CPVL: variants seen among roughly 807,000 people sequenced by gnomAD.
CPVL encodes the protein probable serine carboxypeptidase CPVL.
Under a neutral mutation model 63.7 loss-of-function variants are expected in CPVL, and 51 were observed. The observed-to-expected ratio is 0.80, with a 90% CI of 0.64 to 1.01. CPVL has a LOEUF of 1.01. Among genes scored for constraint, CPVL ranks in the 50% least tolerant of loss-of-function variants. The pLI is 0.00. For synonymous variants in CPVL, 195 were observed against 206.0 expected (o/e 0.95, Z 0.46); for missense variants, 530 against 573.1 (o/e 0.92, Z 0.77).
rs137998770 is a variant in CPVL at position 29,065,638 on chromosome 7, G to A, written c.963+385C>T. Among the ~76,000 whole-genome samples the A allele has an allele frequency of 2.7e-3, 409 of 152,222 alleles. 1 individual carries two copies. Among genetic ancestry groups the A allele is most frequent in the Middle Eastern group, 0.01 (3 of 294 alleles). Reference sequence around the variant, plus strand: ...CTTTGGCAGTTTTGATTATCCAAGCGTCTTAAGTACAGAACAAAGAATGTG... The same window carrying A: ...CTTTGGCAGTTTTGATTATCCAAGCATCTTAAGTACAGAACAAAGAATGTG... On this transcript the variant is annotated intron_variant, in intron 10 of 12. Coordinates refer to ENST00000265394, the MANE Select transcript of CPVL (RefSeq NM_031311.5).
intron 11 of CPVL, among the ~76,000 whole-genome samples, chr7:29,047,873 T>C (rs539154266): frequency 2.5e-4 from 38 of 152,290 alleles, no homozygotes; most frequent in Non-Finnish European, 4.1e-4. Context: ...CTACAAGGGA[T>C]TGGGGCCCTA....
intron 8 of CPVL, among the ~76,000 whole-genome samples, 164 bp downstream of exon 8, chr7:29,072,137 A>G (rs571720372): frequency 1.6e-4 from 25 of 152,324 alleles, no homozygotes; most frequent in African/African-American, 6.0e-4. Flanking sequence ...GACACAGTAA[A>G]TTGATACGTT....
chr7:29,114,971 C>T (rs941117145), intron 2 of CPVL, among the ~76,000 whole-genome samples: 23 of 152,042 alleles, frequency 1.5e-4, no homozygotes, highest in African/African-American at 5.6e-4. Context: ...ACAGGTGGTC[C>T]TTGAGGGTCC....
intron 1 of CPVL, among the ~76,000 whole-genome samples, chr7:29,123,300 A>T (rs1461363859): frequency 6.6e-6 from 1 of 151,974 alleles, no homozygotes; most frequent in Non-Finnish European, 1.5e-5. Context: ...TGAATATATA[A>T]CCCTTGTCAT....
At chr7:29,177,232 GTTTTA>G (rs958739621) in intron 5 of CPVL, among the ~76,000 whole-genome samples, 1 of 90,488 alleles carries the variant, frequency 1.1e-5, no homozygotes, top group Non-Finnish European at 2.0e-5. Context: ...TTCTTTTTTT[GTTTTA>G]TTTTGTTTTG....
intron 6 of CPVL, among the ~76,000 whole-genome samples, chr7:29,088,957 T>C (rs1332661270): frequency 1.3e-5 from 2 of 152,068 alleles, no homozygotes; most frequent in African/African-American, 2.4e-5. Context: ...CCTGGCGACA[T>C]AGTGAGACTC....
chr7:29,051,263 A>C (rs1005913521), intron 11 of CPVL, among the ~76,000 whole-genome samples: 16 of 152,248 alleles, frequency 1.1e-4, no homozygotes, highest in Admixed American at 1.0e-3. Context: ...GACTTAATTA[A>C]ACAAAAGAGC....
chr7:28,998,421 G>A (rs992745972), intron 12 of CPVL, among the ~76,000 whole-genome samples: 1 of 152,312 alleles, frequency 6.6e-6, no homozygotes, highest in Non-Finnish European at 1.5e-5. Context: ...AAGTCAGAGT[G>A]CAGGAGCATG....
chr7:29,171,551 CAG>C (rs958893166), intron 5 of CPVL, among the ~76,000 whole-genome samples: 12 of 152,250 alleles, frequency 7.9e-5, no homozygotes, highest in African/African-American at 2.4e-4. Context: ...TTTCTTTGTA[CAG>C]AGTTTAAGGT....
rs535205739 is a variant in CPVL, at chr7:29,077,574, T to A, written c.610-5151A>T. Among the ~76,000 whole-genome samples the A allele has an allele frequency of 1.2e-4, 18 of 152,102 alleles. No homozygotes were observed. The East Asian group carries it at 3.5e-3, about 29-fold the overall frequency. ...TCCCTGCCCTGCTTGAACCCCACTC[T>A]CCCCAGCTACACAGAACTAAAAAAA... On this transcript the variant is annotated intron_variant, in intron 7 of 12. Coordinates refer to ENST00000265394, the MANE Select transcript of CPVL (RefSeq NM_031311.5).
intron 7 of CPVL, among the ~76,000 whole-genome samples, chr7:29,074,303 C>T (rs965754172): frequency 6.6e-6 from 1 of 152,138 alleles, no homozygotes; most frequent in Non-Finnish European, 1.5e-5. Context: ...CTTGTAAGTA[C>T]ATTTTAGCTT....
intron 6 of CPVL, among the ~76,000 whole-genome samples, chr7:29,090,868 G>C (rs1423192765): frequency 7.9e-5 from 12 of 152,122 alleles, no homozygotes; most frequent in Admixed American, 7.9e-4. Context: ...TAGTCAAAAA[G>C]AATGAGATTT....
At chr7:29,065,218 T>C (rs1346202737) in intron 10 of CPVL, among the ~76,000 whole-genome samples, 2 of 152,230 alleles carry the variant, frequency 1.3e-5, no homozygotes, top group Admixed American at 6.5e-5. Context: ...TGTGAATATA[T>C]TGTTGTAAAG....
At chr7:29,007,448 GAAA>G (rs747458025) in intron 12 of CPVL, among the ~76,000 whole-genome samples, 1 of 151,804 alleles carries the variant, frequency 6.6e-6, no homozygotes, top group Admixed American at 6.6e-5. Flanking sequence ...TAAGAGAAGG[GAAA>G]AAAACAAAAA....
At chr7:29,182,635 G>A (rs974035804) in intron 4 of CPVL, among the ~76,000 whole-genome samples, 1 of 152,020 alleles carries the variant, frequency 6.6e-6, no homozygotes. Flanking sequence ...ACACAATTAC[G>A]TACACTCATG....
intron 11 of CPVL, among the ~76,000 whole-genome samples, chr7:29,048,929 T>C (rs1390651809): frequency 7.2e-6 from 1 of 138,090 alleles, no homozygotes; most frequent in Non-Finnish European, 1.6e-5. Flanking sequence ...GGGTCAAAAA[T>C]GAAATCAAGA....
chr7:29,112,694 G>A lies in CPVL; in HGVS notation c.288+10C>T. 6.3e-7 allele frequency: 1 copy of A among 1,581,128 alleles called. No homozygotes were observed. Among genetic ancestry groups the A allele is most frequent in the Non-Finnish European group, 8.7e-7 (1 of 1,150,908 alleles). ...CTTGAACACTGGTGTTCTTTCTGTTGGGCACCTACCTGAGCTGGGAAGAAC... is the reference window on the plus strand; with the variant it reads ...CTTGAACACTGGTGTTCTTTCTGTTAGGCACCTACCTGAGCTGGGAAGAAC... On this transcript the variant is annotated intron_variant, in intron 3 of 12. Coordinates refer to ENST00000265394, the MANE Select transcript of CPVL (RefSeq NM_031311.5).
At chr7:29,003,301 C>T (rs1015691874) in intron 12 of CPVL, among the ~76,000 whole-genome samples, 1 of 152,034 alleles carries the variant, frequency 6.6e-6, no homozygotes, top group Admixed American at 6.6e-5. Flanking sequence ...GACTATTCAA[C>T]AGAAACAATG....
chr7:29,188,719 G>A (rs1227772419), intron 1 of CPVL, among the ~76,000 whole-genome samples: 1 of 152,064 alleles, frequency 6.6e-6, no homozygotes, highest in African/African-American at 2.4e-5. Context: ...CAGCTGTCTA[G>A]AAATAGTCTT....
Sources: allele counts gnomAD v4.1 joint callset (sites outside exome capture counted in the v4.1 genomes callset), GRCh38; gene constraint gnomAD v4.1.1; transcripts MANE v1.5; gene names NCBI Gene and HGNC (gene_info 2026-07-23, HGNC 2026-07-21).